The following ZNF423 variants were observed in gnomAD, a reference collection of about 807,000 sequenced individuals.
ZNF423 encodes the protein zinc finger protein 423.
In ZNF423, 12 loss-of-function variants were observed where a neutral mutation model predicts 95.8. The observed-to-expected ratio is 0.13, with a 90% CI of 0.08 to 0.20. The LOEUF (loss-of-function observed/expected upper bound fraction) is 0.20, where lower values mean the gene tolerates loss of function less well. ZNF423 is among the 10% of genes least tolerant of loss of function. The pLI is 1.00. For synonymous variants in ZNF423, 749 were observed against 711.9 expected (o/e 1.05, Z -0.83); for missense variants, 1,316 against 1,737.1 (o/e 0.76, Z 4.31).
chr16:49,694,234 G>T lies in ZNF423; in HGVS notation c.301+36537C>A, dbSNP rs955377433. On this transcript the variant is annotated intron_variant, in intron 3 of 7. Transcript: ENST00000563137. ...GAGGGAGGGAGACTGAATTCCCAGA[G>T]ATCAAAACCTGTTCTTACTCAGCTT... Among the ~76,000 whole-genome samples, 4 of 152,278 alleles carry T rather than the reference G, an allele frequency of 2.6e-5. No homozygotes were observed. The East Asian group carries it at 7.7e-4, about 29-fold the overall frequency.
At chr16:49,664,112 C>A (rs920891596) in intron 3 of ZNF423, 18 of 985,456 alleles carry the variant, frequency 1.8e-5, no homozygotes, top group Non-Finnish European at 2.2e-5. Context: ...CTCACCAGGG[C>A]GTCCCAGGGC....
chr16:49,696,757 G>A (rs1279502489), intron 3 of ZNF423, among the ~76,000 whole-genome samples: 3 of 152,032 alleles, frequency 2.0e-5, no homozygotes, highest in South Asian at 2.1e-4. Flanking sequence ...CTGACCTCAG[G>A]CAAGCCCCCC....
rs2035365251 is a variant in ZNF423 at position 49,856,053 on chromosome 16, C to G, written c.-279G>C. Reference sequence around the variant, plus strand: ...AATGCGGCAGTCCGGGGCTCCCGATCCAAGCGGCGGTCCCAGCGGCGCGGG... The same window carrying G: ...AATGCGGCAGTCCGGGGCTCCCGATGCAAGCGGCGGTCCCAGCGGCGCGGG... On this transcript the variant is annotated 5_prime_UTR_variant, in exon 1 of 8. Transcript: ENST00000563137. 1 of 145,440 alleles carries G rather than the reference C, an allele frequency of 6.9e-6. No homozygotes were observed. Among genetic ancestry groups the G allele is most frequent in the Non-Finnish European group, 1.5e-5 (1 of 66,874 alleles). The allele number at this position is 145,440 out of a possible 1,614,324, so 9.0% of individuals were successfully genotyped here.
intron 1 of ZNF423, among the ~76,000 whole-genome samples, chr16:49,848,755 A>C (rs1377454065): frequency 3.3e-5 from 5 of 152,210 alleles, no homozygotes; most frequent in Admixed American, 3.3e-4. Context: ...CTGGTGGTTC[A>C]TAATAATAAC....
chr16:49,544,465 G>A (rs138600122), intron 5 of ZNF423, among the ~76,000 whole-genome samples: 80 of 152,310 alleles, frequency 5.3e-4, no homozygotes, highest in African/African-American at 1.9e-3. Context: ...GGCAGGAAGG[G>A]GTCAGCTCCT....
At chr16:49,753,734 G>C (rs1020748577) in intron 2 of ZNF423, among the ~76,000 whole-genome samples, 1 of 152,322 alleles carries the variant, frequency 6.6e-6, no homozygotes, top group South Asian at 2.1e-4. Flanking sequence ...AATGGCACGA[G>C]GAAGCCAGGC....
chr16:49,784,249 T>G (rs572302177), intron 2 of ZNF423, among the ~76,000 whole-genome samples: 1 of 151,822 alleles, frequency 6.6e-6, no homozygotes, highest in Non-Finnish European at 1.5e-5. Flanking sequence ...CAAAAACTTG[T>G]ACATTGCCAG....
chr16:49,657,034 G>C (rs989403116), intron 3 of ZNF423, among the ~76,000 whole-genome samples: 48 of 152,356 alleles, frequency 3.2e-4, no homozygotes, highest in Admixed American at 9.8e-4. Context: ...GGGAAAGAGA[G>C]GGAGTGACAC....
chr16:49,841,151 G>A (rs562289027), intron 1 of ZNF423, among the ~76,000 whole-genome samples: 204 of 152,304 alleles, frequency 1.3e-3, no homozygotes, highest in African/African-American at 2.0e-3. Flanking sequence ...TGGCAAGGAC[G>A]TGGGGAAAGA....
At chr16:49,792,018 AAAAG>A (rs60889736) in intron 1 of ZNF423, among the ~76,000 whole-genome samples, 2 of 138,282 alleles carry the variant, frequency 1.4e-5, no homozygotes, top group Non-Finnish European at 3.0e-5. Flanking sequence ...AAAAAAAAAA[AAAAG>A]AAAGAAAGTG....
At chr16:49,773,471 C>T (rs2034070602) in intron 2 of ZNF423, among the ~76,000 whole-genome samples, 1 of 152,174 alleles carries the variant, frequency 6.6e-6, no homozygotes, top group Non-Finnish European at 1.5e-5. Context: ...GATTACAATT[C>T]AAGAGATTTG....
At chr16:49,805,495 G>C (rs1164956755) in intron 1 of ZNF423, among the ~76,000 whole-genome samples, 1 of 152,194 alleles carries the variant, frequency 6.6e-6, no homozygotes, top group Non-Finnish European at 1.5e-5. Context: ...GGTCTACATG[G>C]CTCTGAAGTT....
At chr16:49,549,688 T>A (rs1969567038) in intron 5 of ZNF423, among the ~76,000 whole-genome samples, 1 of 152,190 alleles carries the variant, frequency 6.6e-6, no homozygotes, top group South Asian at 2.1e-4. Context: ...CCGGTCCTTG[T>A]AACGTCCTTT....
intron 1 of ZNF423, among the ~76,000 whole-genome samples, chr16:49,814,952 G>A (rs2034813801): frequency 6.6e-6 from 1 of 152,156 alleles, no homozygotes; most frequent in South Asian, 2.1e-4. Flanking sequence ...CTCTGCAGCG[G>A]GCATCTCTCC....
chr16:49,849,883 T>C (rs2035284277), intron 1 of ZNF423, among the ~76,000 whole-genome samples: 1 of 152,216 alleles, frequency 6.6e-6, no homozygotes, highest in Non-Finnish European at 1.5e-5. Context: ...AGCACCAATC[T>C]ATAACGCTGG....
At chr16:49,648,549 GGC>G (rs763369523) in intron 3 of ZNF423, among the ~76,000 whole-genome samples, 59 of 152,230 alleles carry the variant, frequency 3.9e-4, no homozygotes, top group Middle Eastern at 3.4e-3. Flanking sequence ...CTATTCAGGA[GGC>G]TGAGGCAGGA....
chr16:49,542,429 C>T (rs1039337789), intron 5 of ZNF423, among the ~76,000 whole-genome samples: 2 of 152,202 alleles, frequency 1.3e-5, no homozygotes, highest in African/African-American at 4.8e-5. Context: ...GGAGTGAATG[C>T]ACCTGCTGGG....
intron 3 of ZNF423, among the ~76,000 whole-genome samples, chr16:49,724,915 C>G (rs558558497): frequency 6.6e-6 from 1 of 152,210 alleles, no homozygotes; most frequent in African/African-American, 2.4e-5. Context: ...AAAGTCCCCC[C>G]TCTTGTTTTT....
intron 5 of ZNF423, among the ~76,000 whole-genome samples, chr16:49,532,824 T>G (rs185960031): frequency 6.6e-6 from 1 of 152,264 alleles, no homozygotes; most frequent in African/African-American, 2.4e-5. Flanking sequence ...GAAAACTATT[T>G]ATACTTATTT....
Sources: gnomAD v4.1 joint callset for allele counts (sites outside exome capture counted in the v4.1 genomes callset) on GRCh38, gnomAD v4.1.1 for gene constraint, MANE v1.5 for transcripts, NCBI Gene and HGNC (gene_info 2026-07-23, HGNC 2026-07-21) for gene names.